The following IRF3 variants were observed in gnomAD, a reference collection of about 807,000 sequenced individuals.
IRF3 encodes interferon regulatory factor 3.
IRF3 carries 29 observed loss-of-function variants against 43.2 expected under a neutral mutation model. That is an observed-to-expected ratio of 0.67 (90% CI 0.50 to 0.91). The LOEUF is 0.91. IRF3 is among the 40% of genes least tolerant of loss of function. The probability of loss-of-function intolerance (pLI) is 0.00; values close to 1 mark genes in which losing one functional copy is unlikely to be tolerated. For synonymous variants in IRF3, 228 were observed against 233.9 expected (o/e 0.97, Z 0.23); for missense variants, 505 against 559.1 (o/e 0.90, Z 0.98).
chr19:49,665,557 C>G, intron 1 of IRF3, 74 bp downstream of exon 1: 1 of 427,694 alleles, frequency 2.3e-6, no homozygotes, highest in Non-Finnish European at 4.3e-6. Context: ...TTCCACTCTC[C>G]GTGCAGACCC....
rs1306643767 is a variant in IRF3 at position 49,662,227 on chromosome 19, C to T, written c.703G>A (p.Asp235Asn). 2 of 1,613,922 alleles carry T rather than the reference C, an allele frequency of 1.2e-6. No homozygotes were observed. The highest frequency in any genetic ancestry group is 2.2e-5 in the East Asian group (1 of 44,902). Residue 235 changes from aspartate (D) to asparagine (N), a missense_variant, in exon 6 of 8, where the codon GAC becomes AAC. Coordinates refer to ENST00000377139, the MANE Select transcript of IRF3 (RefSeq NM_001571.6). Reference sequence around the variant, plus strand: ...ACTGGCCATCCAGGCAGCGTCCTGTCTCCCACTTCGGACCCCACCAGCCGC... The same window carrying T: ...ACTGGCCATCCAGGCAGCGTCCTGTTTCCCACTTCGGACCCCACCAGCCGC... ...GLRLVGSEVGDRTLPGWPVTL... is the reference protein window; with the variant it reads ...GLRLVGSEVGNRTLPGWPVTL...
rs763772455 is a variant in IRF3, at chr19:49,660,799, G to A, written c.1012C>T (p.Arg338Cys). The A allele has an allele frequency of 1.7e-5, 28 of 1,608,106 alleles. No individual in the cohort carries two copies. Among genetic ancestry groups the A allele is most frequent in the Non-Finnish European group, 2.3e-5 (27 of 1,177,670 alleles). ...AACCAGAGGGCATAGCGTGGTGAGC[G>A]TCCGCTTCCTTCCGTGAAGGTAATC... ...DLITFTEGSGRSPRYALWFCV... is the reference protein window; with the variant it reads ...DLITFTEGSGCSPRYALWFCV... Residue 338 changes from arginine (R) to cysteine (C), a missense_variant, in exon 7 of 8, where the codon CGC becomes TGC. Coordinates refer to ENST00000377139, the MANE Select transcript of IRF3 (RefSeq NM_001571.6).
At chr19:49,664,435 G>A (rs1450948125) in intron 2 of IRF3, 3 of 1,494,106 alleles carry the variant, frequency 2.0e-6, no homozygotes, top group East Asian at 2.7e-5. Flanking sequence ...TTTCCTTTGC[G>A]TACTAACCGG....
rs1456347144 is a variant in IRF3, at chr19:49,665,843, T to G, written c.-221A>C. ...AAGCCGATGGGACGGCCCGCTGGGC[T>G]GTTCCCGCCCCTATGCCCTTTTTTG... On this transcript the variant is annotated 5_prime_UTR_variant, in exon 1 of 8. Coordinates refer to ENST00000377139, the MANE Select transcript of IRF3 (RefSeq NM_001571.6). 2 of 1,598,562 alleles carry G rather than the reference T, an allele frequency of 1.3e-6. No homozygotes were observed. Among genetic ancestry groups the G allele is most frequent in the East Asian group, 4.5e-5 (2 of 44,406 alleles).
intron 1 of IRF3, chr19:49,665,106 G>A (rs2081607809): frequency 4.4e-6 from 2 of 457,378 alleles, no homozygotes; most frequent in Non-Finnish European, 3.9e-6. Flanking sequence ...CCTCAATTCC[G>A]CCAGTATAGA....
intron 2 of IRF3, chr19:49,664,342 T>C: frequency 1.2e-6 from 1 of 861,166 alleles, no homozygotes; most frequent in South Asian, 1.4e-5. Context: ...GCCTCACCTC[T>C]GATGTTTCAA....
At chr19:49,661,033 C>T (rs2081304442) in intron 6 of IRF3, 1 of 577,896 alleles carries the variant, frequency 1.7e-6, no homozygotes, top group Non-Finnish European at 3.0e-6. Context: ...GCCACACCCC[C>T]AAGCCCCCAA....
intron 6 of IRF3, among the ~76,000 whole-genome samples, chr19:49,661,263 G>C (rs1599852153): frequency 6.6e-6 from 1 of 152,272 alleles, no homozygotes; most frequent in African/African-American, 2.4e-5. Context: ...CCTGTGGCTA[G>C]TGGCTGCTGC....
Position 49,659,653 on chromosome 19 carries a change from T to A in IRF3, c.1279A>T (p.Ser427Cys). 1 of 1,612,782 alleles carries A rather than the reference T, an allele frequency of 6.2e-7. No individual in the cohort carries two copies. Among genetic ancestry groups the A allele is most frequent in the South Asian group, 1.1e-5 (1 of 90,966 alleles). The change falls in exon 8 of 8, where the codon AGC (serine) becomes TGC (cysteine). Residue 427 changes from serine to cysteine, a missense_variant. By Grantham distance (112) the Ser-to-Cys change is moderately radical. Coordinates refer to ENST00000377139, the MANE Select transcript of IRF3 (RefSeq NM_001571.6). ...EGMDFQGPGE[S>C] ...ACACCATGAGGAGCGAGGGCTCAGC[T>A]CTCCCCAGGGCCCTGGAAATCCATG...
intron 1 of IRF3, 125 bp from the exon 2 acceptor site, chr19:49,664,971 G>A (rs1364209098): frequency 2.0e-6 from 2 of 1,022,740 alleles, no homozygotes; most frequent in South Asian, 1.7e-5. Context: ...ATTTTCGGGG[G>A]TACAAACAGG....
intron 7 of IRF3, among the ~76,000 whole-genome samples, 198 bp downstream of exon 7, chr19:49,660,515 C>T (rs780109457): frequency 2.6e-5 from 4 of 152,136 alleles, no homozygotes; most frequent in Admixed American, 6.5e-5. Context: ...TTGGGGGCCA[C>T]TGGTTTAGAG....
At position 49,661,949 on chromosome 19, in the gene IRF3, T is replaced by C. The variant is rs2081350261; in HGVS notation, c.981A>G (p.Val327=). 6.2e-7 allele frequency: 1 copy of C among 1,604,152 alleles called. No homozygotes were observed. The highest frequency in any genetic ancestry group is 1.7e-5 in the Admixed American group (1 of 59,494). ...GGVFDLGPFI[V]DLITFTEGSG... is the part of the protein sequence containing the mutation. ...GGTCGAAGCCCCTGTCTCACTCACC[T>C]ACAATGAAGGGCCCCAGGTCAAACA... Residue 327 remains valine, a splice_region_variant and synonymous_variant, in exon 6 of 8, where the codon GTA becomes GTG. Transcript: ENST00000377139.
chr19:49,663,652 C>T, intron 2 of IRF3, 138 bp from the exon 3 acceptor site: 3 of 764,708 alleles, frequency 3.9e-6, no homozygotes, highest in African/African-American at 1.8e-5. Context: ...ATCCCCAAAT[C>T]CCCCCGTCCC....
chr19:49,663,127 G>T, intron 4 of IRF3, 61 bp downstream of exon 4: 1 of 1,423,374 alleles, frequency 7.0e-7, no homozygotes, highest in Non-Finnish European at 9.9e-7. Context: ...TAGAGGGAGA[G>T]GACAAGGCCC....
rs2081366749 is a variant in IRF3 at position 49,662,252 on chromosome 19, C to T, written c.678G>A (p.Leu226=). Residue 226 remains leucine (L), a synonymous_variant, in exon 6 of 8, where the codon CTG becomes CTA. Coordinates refer to ENST00000377139, the MANE Select transcript of IRF3 (RefSeq NM_001571.6). ...CTCCCACTTCGGACCCCACCAGCCG[C>T]AGGCCCTCCGGGCAGGAGATGGTCT... is the stretch of plus-strand genomic sequence containing the variant. ...FQQTISCPEG[L]RLVGSEVGDR... 3 of 1,613,984 alleles carry T rather than the reference C, an allele frequency of 1.9e-6. No homozygotes were observed. The African/African-American group carries it at 4.0e-5, about 21-fold the overall frequency.
At chr19:49,664,519 C>G in intron 2 of IRF3, 155 bp downstream of exon 2, 12 of 1,583,344 alleles carry the variant, frequency 7.6e-6, no homozygotes, top group Non-Finnish European at 1.0e-5. Flanking sequence ...GCGGATCCGG[C>G]TAGCCCCGCC....
Position 49,665,684 on chromosome 19 carries a change from G to A in IRF3, c.-62C>T, listed in dbSNP as rs998053490. On this transcript the variant is annotated 5_prime_UTR_variant, in exon 1 of 8. Transcript: ENST00000377139. ...AGCTGGAACCCACCCCTGTCTTGGA[G>A]CTCCGGGTAGCTCTCAAACTCGAGG... is the stretch of plus-strand genomic sequence containing the variant. The A allele has an allele frequency of 8.3e-6, 10 of 1,198,436 alleles. No individual in the cohort carries two copies. Among genetic ancestry groups the A allele is most frequent in the Non-Finnish European group, 1.2e-5 (10 of 867,240 alleles). The allele number at this position is 1,198,436 out of a possible 1,614,324, so 74.2% of individuals were successfully genotyped here. A position where few individuals can be genotyped will look rare whatever the true frequency, so the allele number is the denominator to read the frequency against.
intron 7 of IRF3, among the ~76,000 whole-genome samples, chr19:49,660,093 A>AT (rs2081250663): frequency 5.4e-5 from 7 of 130,594 alleles, no homozygotes; most frequent in African/African-American, 2.4e-4. Flanking sequence ...CACACACACA[A>AT]ACACACACAC....
At position 49,664,821 on chromosome 19, in the gene IRF3, T is replaced by C. The variant is rs775501096; in HGVS notation, c.18A>G (p.Pro6=). Residue 6 remains proline, a synonymous_variant, in exon 2 of 8, where the codon CCA becomes CCG. Coordinates refer to ENST00000377139, the MANE Select transcript of IRF3 (RefSeq NM_001571.6). ...GCGACACCAGCCAGGGCAGGATCCG[T>C]GGCTTTGGGGTTCCCATGGTCCGGC... MGTPK[P]RILPWLVSQL... is the part of the protein sequence containing the mutation. 1.9e-6 allele frequency: 3 copies of C among 1,613,266 alleles called. No homozygotes were observed. The East Asian group carries it at 6.7e-5, about 36-fold the overall frequency.
Sources: allele counts gnomAD v4.1 joint callset (sites outside exome capture counted in the v4.1 genomes callset), GRCh38; gene constraint gnomAD v4.1.1; transcripts MANE v1.5; gene names NCBI Gene and HGNC (gene_info 2026-07-23, HGNC 2026-07-21).